The following RNF123 variants were observed in gnomAD, a reference collection of about 807,000 sequenced individuals.
RNF123 encodes the protein ring finger protein 123.
In RNF123, 86 loss-of-function variants were observed where a neutral mutation model predicts 168.5. That is an observed-to-expected ratio of 0.51 (90% confidence interval 0.43 to 0.61). The LOEUF (loss-of-function observed/expected upper bound fraction) is 0.61. RNF123 is among the 20% of genes least tolerant of loss of function. The probability of loss-of-function intolerance (pLI) is 0.00; values close to 1 mark genes in which losing one functional copy is unlikely to be tolerated. For synonymous variants in RNF123, 666 were observed against 689.1 expected (o/e 0.97, Z 0.52); for missense variants, 1,419 against 1,729.7 (o/e 0.82, Z 3.19).
chr3:49,707,137 C>A (rs1191173984), intron 26 of RNF123, among the ~76,000 whole-genome samples: 1 of 152,172 alleles, frequency 6.6e-6, no homozygotes, highest in African/African-American at 2.4e-5. Flanking sequence ...CTTCGAGGAA[C>A]AAACTCTGTC....
chr3:49,707,047 C>T (rs892529321), intron 26 of RNF123, 149 bp downstream of exon 26: 2 of 664,484 alleles, frequency 3.0e-6, no homozygotes, highest in African/African-American at 1.8e-5. Flanking sequence ...TCACCCCATG[C>T]CATGTCCCCT....
At chr3:49,706,344 CAG>C (rs1283417181) in intron 25 of RNF123, among the ~76,000 whole-genome samples, 1 of 152,226 alleles carries the variant, frequency 6.6e-6, no homozygotes, top group African/African-American at 2.4e-5. Flanking sequence ...CGGCCACTTG[CAG>C]AGTCAGCAGG....
chr3:49,692,512 T>C (rs547853526), intron 3 of RNF123, among the ~76,000 whole-genome samples: 1 of 152,328 alleles, frequency 6.6e-6, no homozygotes, highest in South Asian at 2.1e-4. Flanking sequence ...CTTTTAGTTA[T>C]TTTTAAATGT....
chr3:49,698,075 A>AT lies in RNF123; in HGVS notation c.422dup (p.Ser142LeufsTer33), dbSNP rs779550107. On this transcript the variant is annotated frameshift_variant, in exon 7 of 39. Transcript: ENST00000327697. LOFTEE classifies it high-confidence loss of function. ...AGGGAAATGGCTCTACGAGGTCCTC[A>AT]TCTCCTCCCAGGGGCTCATGCAGAT... 1.2e-6 allele frequency: 2 copies of AT among 1,613,992 alleles called. No individual in the cohort carries two copies. Among genetic ancestry groups the AT allele is most frequent in the South Asian group, 2.2e-5 (2 of 91,084 alleles).
chr3:49,690,271 A>G (rs1194191004), intron 1 of RNF123, among the ~76,000 whole-genome samples: 1 of 152,268 alleles, frequency 6.6e-6, no homozygotes, highest in Non-Finnish European at 1.5e-5. Context: ...GTGCTGTCCA[A>G]CAGAGTAACC....
At chr3:49,714,917 C>T (rs146050098) in intron 31 of RNF123, among the ~76,000 whole-genome samples, 5 of 152,384 alleles carry the variant, frequency 3.3e-5, no homozygotes, top group Non-Finnish European at 7.3e-5. Flanking sequence ...ACAGCAAGTC[C>T]TTGCCAATTG....
chr3:49,706,933 C>A (rs1298813883), intron 26 of RNF123, 35 bp downstream of exon 26: 2 of 1,572,166 alleles, frequency 1.3e-6, no homozygotes, highest in Non-Finnish European at 1.8e-6. Flanking sequence ...TTCCCGACCT[C>A]ACTGTCTGGC....
At chr3:49,719,319 G>A in intron 35 of RNF123, 1 of 1,613,298 alleles carries the variant, frequency 6.2e-7, no homozygotes, top group Non-Finnish European at 8.5e-7. Context: ...GCAGCCCTAG[G>A]CCAGTGCAGC....
Position 49,705,055 on chromosome 3 carries a change from T to A in RNF123, c.2031T>A (p.Thr677=), listed in dbSNP as rs777309863. The change falls in exon 23 of 39, where the codon ACT becomes ACA. Residue 677 remains threonine, a synonymous_variant. Coordinates refer to ENST00000327697, the MANE Select transcript of RNF123 (RefSeq NM_022064.5). ...GGCCCGGCTGGCTCAGTTCTCCAAC[T>A]TTGGGCCGAGCCAACCGCTTCCTCA... ...LPRPGWLSSP[T]LGRANRFLST... is the part of the protein sequence containing the mutation. The A allele has an allele frequency of 1.7e-5, 27 of 1,611,588 alleles. No homozygotes were observed. In the South Asian group the frequency reaches 2.6e-4, roughly 16 times the overall value.
intron 3 of RNF123, 74 bp downstream of exon 3, chr3:49,691,583 A>G (rs2054167920): frequency 9.0e-6 from 11 of 1,218,924 alleles, no homozygotes; most frequent in Admixed American, 1.8e-5. Context: ...TTGTAGGGAA[A>G]GGGAGCCTGG....
chr3:49,719,389 A>AAACCCTCGGAGTCCGGGG (rs1275372798), intron 35 of RNF123: 1 of 1,613,424 alleles, frequency 6.2e-7, no homozygotes, highest in African/African-American at 1.3e-5. Flanking sequence ...ACGGGGCGGG[A>AAACCCTCGGAGTCCGGGG]AACCCTCGGA....
intron 3 of RNF123, among the ~76,000 whole-genome samples, chr3:49,694,029 A>G (rs1281351062): frequency 2.6e-5 from 4 of 152,174 alleles, no homozygotes; most frequent in African/African-American, 9.7e-5. Context: ...GTAGTTTACA[A>G]ATATTTTCTC....
At chr3:49,698,340 C>G (rs1179380397) in intron 7 of RNF123, 100 bp from the exon 8 acceptor site, 1 of 1,073,962 alleles carries the variant, frequency 9.3e-7, no homozygotes, top group African/African-American at 1.6e-5. Flanking sequence ...ATCATCTGTT[C>G]CCTTCTGTAG....
At chr3:49,698,620 A>C in intron 8 of RNF123, 94 bp downstream of exon 8, 1 of 1,547,214 alleles carries the variant, frequency 6.5e-7, no homozygotes, top group Non-Finnish European at 8.9e-7. Context: ...ACAGGGCACC[A>C]GGGAAGGGTC....
chr3:49,721,263 G>A lies in RNF123; in HGVS notation c.3903G>A (p.Trp1301Ter). The A allele has an allele frequency of 6.2e-7, 1 of 1,614,216 alleles. No homozygotes were observed. The highest frequency in any genetic ancestry group is 8.5e-7 in the Non-Finnish European group (1 of 1,180,038). ...CKTTIVSVED[W>*]EKGANTSTTS... is the part of the protein sequence containing the mutation. The stretch of plus-strand genomic sequence containing the variant: ...CCACCATCGTGTCTGTAGAGGACTG[G>A]GAGAAGGGAGCCAATACGAGTACTA... The change falls in exon 39 of 39, where the codon TGG (tryptophan) becomes TGA (stop). Residue 1301 changes from tryptophan to a stop codon, truncating the protein, a stop_gained. Transcript: ENST00000327697. LOFTEE classifies it high-confidence loss of function.
chr3:49,716,745 G>A, intron 35 of RNF123: 1 of 457,052 alleles, frequency 2.2e-6, no homozygotes, highest in South Asian at 2.7e-5. Flanking sequence ...GGCCAGGCAT[G>A]GGAGGCAGGA....
At chr3:49,712,280 G>A (rs994681603) in intron 26 of RNF123, among the ~76,000 whole-genome samples, 199 bp from the exon 27 acceptor site, 9 of 151,838 alleles carry the variant, frequency 5.9e-5, no homozygotes, top group African/African-American at 9.7e-5. Context: ...ACAGTAATGC[G>A]CCCTCCAGGC....
At position 49,697,343 on chromosome 3, in the gene RNF123, C is replaced by T. The variant is rs748786015; in HGVS notation, c.248-20C>T. On this transcript the variant is annotated intron_variant, in intron 4 of 38. Transcript: ENST00000327697. Reference sequence around the variant, plus strand: ...TGTCAAATGCTCCACCCTGCCTGACCCCACCTCTCCTCTTTTCAGGACAGG... The same window carrying T: ...TGTCAAATGCTCCACCCTGCCTGACTCCACCTCTCCTCTTTTCAGGACAGG... 1.2e-6 allele frequency: 2 copies of T among 1,604,126 alleles called. No homozygotes were observed.
chr3:49,716,742 C>A, intron 35 of RNF123: 1 of 459,208 alleles, frequency 2.2e-6, no homozygotes, highest in Non-Finnish European at 4.0e-6. Flanking sequence ...TCAGGCCAGG[C>A]ATGGGAGGCA....
Sources: allele counts gnomAD v4.1 joint callset (sites outside exome capture counted in the v4.1 genomes callset), GRCh38; gene constraint gnomAD v4.1.1; transcripts MANE v1.5; gene names NCBI Gene and HGNC (gene_info 2026-07-23, HGNC 2026-07-21).